Variants in TLL2 observed in about 807,000 individuals in gnomAD.
TLL2 encodes tolloid-like protein 2.
TLL2 carries 106 observed loss-of-function variants against 123.0 expected under a neutral mutation model. The observed-to-expected ratio is 0.86, with a 90% CI of 0.74 to 1.01. The LOEUF is 1.01. Ranked by LOEUF, TLL2 falls within the 50% of genes least tolerant of loss-of-function variation. The pLI, the probability that TLL2 is intolerant of heterozygous loss-of-function variation, is 0.00. For synonymous variants in TLL2, 494 were observed against 516.8 expected (o/e 0.96, Z 0.60); for missense variants, 1,332 against 1,336.7 (o/e 1.00, Z 0.06).
intron 2 of TLL2, among the ~76,000 whole-genome samples, chr10:96,475,749 A>C (rs760640939): frequency 6.6e-6 from 1 of 152,128 alleles, no homozygotes; most frequent in Non-Finnish European, 1.5e-5. Context: ...CAAAAGAAAC[A>C]GGATGGCTCT....
chr10:96,513,210 C>G (rs999257948), intron 1 of TLL2, among the ~76,000 whole-genome samples: 4 of 152,322 alleles, frequency 2.6e-5, no homozygotes, highest in South Asian at 2.1e-4. Flanking sequence ...CGCTGTCAGG[C>G]GGCCCTGGCA....
intron 2 of TLL2, 152 bp from the exon 3 acceptor site, chr10:96,446,320 A>C (rs887961274): frequency 1.0e-5 from 7 of 702,440 alleles, no homozygotes; most frequent in Non-Finnish European, 1.7e-5. Flanking sequence ...AGCCCTTACC[A>C]CATGGCCCCA....
intron 1 of TLL2, among the ~76,000 whole-genome samples, chr10:96,491,855 C>T (rs75423245): frequency 0.011 from 1,633 of 152,146 alleles, 49 homozygotes; most frequent in South Asian, 0.11. Context: ...CACAGTTGGG[C>T]GTCGCAAGGA....
Position 96,368,152 on chromosome 10 carries a change from T to G in TLL2, c.2984A>C (p.Lys995Thr), listed in dbSNP as rs1208310036. 6.2e-7 allele frequency: 1 copy of G among 1,614,238 alleles called. No homozygotes were observed. Among genetic ancestry groups the G allele is most frequent in the African/African-American group, 1.3e-5 (1 of 75,068 alleles). Residue 995 changes from lysine (K) to threonine (T), a missense_variant, in exon 21 of 21, where the codon AAG becomes ACG. Lys to Thr is a moderately conservative substitution (Grantham distance 78, BLOSUM62 -1). Transcript: ENST00000357947. ...GGTGTATCGGGCATGAAAGCCTTTCTTGTTGATGGTGTCATCTGTGCGGAA... is the reference window on the plus strand; with the variant it reads ...GGTGTATCGGGCATGAAAGCCTTTCGTGTTGATGGTGTCATCTGTGCGGAA... Reference protein sequence around the residue: ...IRFRTDDTINKKGFHARYTST... With the variant: ...IRFRTDDTINTKGFHARYTST...
chr10:96,475,535 C>T (rs910717784), intron 2 of TLL2, among the ~76,000 whole-genome samples: 1 of 152,196 alleles, frequency 6.6e-6, no homozygotes, highest in Non-Finnish European at 1.5e-5. Flanking sequence ...AATTTGGGCA[C>T]ATCTAGCAAA....
At chr10:96,485,275 T>C (rs1847346317) in intron 1 of TLL2, among the ~76,000 whole-genome samples, 1 of 152,130 alleles carries the variant, frequency 6.6e-6, no homozygotes, top group Non-Finnish European at 1.5e-5. Context: ...AAAAAATAAA[T>C]AAATTAGATT....
intron 5 of TLL2, among the ~76,000 whole-genome samples, chr10:96,423,605 T>C (rs575578324): frequency 2.6e-5 from 4 of 152,184 alleles, no homozygotes; most frequent in Non-Finnish European, 4.4e-5. Flanking sequence ...GGGGAGAGGA[T>C]GACAAGCAAA....
intron 9 of TLL2, among the ~76,000 whole-genome samples, chr10:96,407,047 T>C (rs1373826510): frequency 6.6e-6 from 1 of 152,004 alleles, no homozygotes; most frequent in Non-Finnish European, 1.5e-5. Flanking sequence ...TCTAGATCAA[T>C]ATTCCACTCA....
At chr10:96,459,685 A>ATATATATATAT (rs1847054457) in intron 2 of TLL2, among the ~76,000 whole-genome samples, 1 of 58,208 alleles carries the variant, frequency 1.7e-5, no homozygotes, top group Non-Finnish European at 3.6e-5. Context: ...AAAAAAAAAA[A>ATATATATATAT]AAAAAAAAAA....
chr10:96,471,931 C>A (rs138184740), intron 2 of TLL2, among the ~76,000 whole-genome samples: 5 of 152,054 alleles, frequency 3.3e-5, no homozygotes, highest in East Asian at 1.9e-4. Context: ...TGTGTACCTA[C>A]GAGAAGGTTC....
At chr10:96,413,429 T>C in intron 7 of TLL2, 113 bp from the exon 8 acceptor site, 4 of 1,349,382 alleles carry the variant, frequency 3.0e-6, no homozygotes, top group Non-Finnish European at 2.0e-6. Context: ...TCCTGCCCCC[T>C]GGCCAGCCTC....
intron 2 of TLL2, among the ~76,000 whole-genome samples, chr10:96,472,096 C>T (rs1847190019): frequency 6.6e-6 from 1 of 152,152 alleles, no homozygotes; most frequent in Non-Finnish European, 1.5e-5. Flanking sequence ...TGTAAGAGAG[C>T]TCCCTGATGG....
intron 15 of TLL2, 45 bp downstream of exon 15, chr10:96,386,010 C>A: frequency 1.4e-6 from 2 of 1,460,484 alleles, no homozygotes; most frequent in South Asian, 3.1e-5. Context: ...AGCTCTGAGT[C>A]ACCCCTCAAT....
chr10:96,500,161 T>TCTCAACCAAAAAAAAAAAAAAAAA (rs1847521050), intron 1 of TLL2, among the ~76,000 whole-genome samples: 1 of 68,154 alleles, frequency 1.5e-5, no homozygotes, highest in Non-Finnish European at 3.0e-5. Context: ...AAAAAAAAAA[T>TCTCAACCAAAAAAAAAAAAAAAAA]ACAAAAATTA....
At chr10:96,413,371 T>C (rs1434573840) in intron 7 of TLL2, 55 bp from the exon 8 acceptor site, 3 of 1,585,694 alleles carry the variant, frequency 1.9e-6, no homozygotes, top group East Asian at 2.3e-5. Flanking sequence ...AGGCTGTCTG[T>C]GCTGGGATTT....
intron 10 of TLL2, among the ~76,000 whole-genome samples, chr10:96,401,616 C>A (rs1428892033): frequency 6.6e-6 from 1 of 150,566 alleles, no homozygotes; most frequent in Non-Finnish European, 1.5e-5. Flanking sequence ...ATCACCACCA[C>A]CAACAAATGG....
At chr10:96,429,095 A>G (rs1360401781) in intron 4 of TLL2, among the ~76,000 whole-genome samples, 2 of 152,064 alleles carry the variant, frequency 1.3e-5, no homozygotes, top group Non-Finnish European at 2.9e-5. Flanking sequence ...GAGCCACGGC[A>G]CCCAGCCTCC....
intron 1 of TLL2, among the ~76,000 whole-genome samples, chr10:96,493,512 TGG>T (rs904761460): frequency 6.6e-6 from 1 of 150,834 alleles, no homozygotes; most frequent in Admixed American, 6.6e-5. Context: ...CCAGCTGGAG[TGG>T]GGGGCCCAGC....
intron 3 of TLL2, among the ~76,000 whole-genome samples, chr10:96,439,777 C>G (rs1242112272): frequency 6.6e-6 from 1 of 152,092 alleles, no homozygotes; most frequent in Non-Finnish European, 1.5e-5. Context: ...ATCTTACCAC[C>G]AGAATTTCTA....
Sources: gnomAD v4.1 joint callset for allele counts (sites outside exome capture counted in the v4.1 genomes callset) on GRCh38, gnomAD v4.1.1 for gene constraint, MANE v1.5 for transcripts, NCBI Gene and HGNC (gene_info 2026-07-23, HGNC 2026-07-21) for gene names.